Variants in SCCPDH observed in about 807,000 individuals in gnomAD.
The protein encoded by SCCPDH is saccharopine dehydrogenase (putative).
In SCCPDH, 34 loss-of-function variants were observed where a neutral mutation model predicts 51.5. That is an observed-to-expected ratio of 0.66 (90% CI 0.50 to 0.88). The LOEUF is 0.88. SCCPDH is among the 40% of genes least tolerant of loss of function. SCCPDH has a pLI of 0.00. For synonymous variants in SCCPDH, 187 were observed against 191.3 expected (o/e 0.98, Z 0.19); for missense variants, 464 against 527.1 (o/e 0.88, Z 1.17).
In SCCPDH at chr1:246,766,061, C is replaced by T; in HGVS notation, c.1106C>T (p.Ala369Val). The change falls in exon 11 of 12, where the codon GCT becomes GTT. Residue 369 changes from alanine (A) to valine (V), a missense_variant. Ala to Val is a moderately conservative substitution (Grantham distance 64, BLOSUM62 0). Transcript: ENST00000366510. ...KICTQVKGPEAGYVATPIAMV... is the reference protein window; with the variant it reads ...KICTQVKGPEVGYVATPIAMV... Reference sequence around the variant, plus strand: ...CCTGATCAACTGTTTTCTGCAGAGGCTGGCTATGTGGCTACCCCCATAGCT... The same window carrying T: ...CCTGATCAACTGTTTTCTGCAGAGGTTGGCTATGTGGCTACCCCCATAGCT... The T allele has an allele frequency of 6.2e-7, 1 of 1,605,648 alleles. No homozygotes were observed. The highest frequency in any genetic ancestry group is 8.5e-7 in the Non-Finnish European group (1 of 1,175,570).
intron 5 of SCCPDH, among the ~76,000 whole-genome samples, chr1:246,749,715 C>G (rs1668823255): frequency 6.6e-6 from 1 of 152,222 alleles, no homozygotes; most frequent in African/African-American, 2.4e-5. Flanking sequence ...GGCAGAGAAG[C>G]TCTGCTCTAG....
chr1:246,726,389 C>G (rs77292627), intron 1 of SCCPDH, among the ~76,000 whole-genome samples: 8,038 of 151,558 alleles, frequency 0.053, 393 homozygotes, highest in East Asian at 0.17. Context: ...GGCTATGCCA[C>G]CATGTCAGAT....
At chr1:246,745,935 C>T (rs948583788) in intron 5 of SCCPDH, among the ~76,000 whole-genome samples, 19 of 151,748 alleles carry the variant, frequency 1.3e-4, no homozygotes, top group Non-Finnish European at 2.1e-4. Flanking sequence ...GGTGAAACCC[C>T]GTCTCTACTA....
chr1:246,754,129 C>A lies in SCCPDH; in HGVS notation c.565-4097C>A, dbSNP rs147102987. ...GCTGGAGGCTCCTCGCATTCACACA[C>A]ACTTTCAACCCCCGCAGAGTATCCC... On this transcript the variant is annotated intron_variant, in intron 5 of 11. Transcript: ENST00000366510. 9.5e-4 allele frequency among the ~76,000 whole-genome samples: 145 copies of A among 152,198 alleles called. 2 individuals carry two copies. The highest frequency in any genetic ancestry group is 3.4e-3 in the African/African-American group (141 of 41,508).
At chr1:246,755,837 G>T (rs1336612597) in intron 5 of SCCPDH, 1 of 152,344 alleles carries the variant, frequency 6.6e-6, no homozygotes, top group Non-Finnish European at 1.5e-5. Context: ...AGGCATACTT[G>T]TCATTTAGAA....
chr1:246,752,797 A>G (rs1484636345), intron 5 of SCCPDH, among the ~76,000 whole-genome samples: 7 of 152,124 alleles, frequency 4.6e-5, no homozygotes, highest in Non-Finnish European at 7.4e-5. Flanking sequence ...TCTCTCTCTG[A>G]TAAGTTTGTT....
In SCCPDH at chr1:246,760,055, T is replaced by C. The variant is rs1236450202; in HGVS notation, c.912T>C (p.Ile304=). 1.2e-6 allele frequency: 2 copies of C among 1,612,934 alleles called. No homozygotes were observed. The highest frequency in any genetic ancestry group is 1.1e-5 in the South Asian group (1 of 90,584). ...LFFLFFVRFG[I]GRQLLIKFPW... ...TTTTGTTCTTTGTGAGGTTTGGAAT[T>C]GGAAGGCAACTTCTCATAAAAGTAA... The change falls in exon 8 of 12, where the codon ATT becomes ATC. Residue 304 remains isoleucine, a synonymous_variant. Coordinates refer to ENST00000366510, the MANE Select transcript of SCCPDH (RefSeq NM_016002.3).
At position 246,726,947 on chromosome 1, in the gene SCCPDH, A is replaced by G. The variant is rs1256268492; in HGVS notation, c.246A>G (p.Pro82=). ...TCATCATCTGTGATATTGCTAATCC[A>G]GCCTCGCTTGATGAAATGGCTAAAC... ...VGIIICDIAN[P]ASLDEMAKQA... The change falls in exon 2 of 12, where the codon CCA becomes CCG. Residue 82 remains proline, a synonymous_variant. Transcript: ENST00000366510. 3 of 1,614,232 alleles carry G rather than the reference A, an allele frequency of 1.9e-6. No homozygotes were observed. Among genetic ancestry groups the G allele is most frequent in the Non-Finnish European group, 8.5e-7 (1 of 1,180,026 alleles).
intron 3 of SCCPDH, among the ~76,000 whole-genome samples, chr1:246,738,847 C>T (rs544725380): frequency 2.0e-5 from 3 of 152,288 alleles, no homozygotes; most frequent in Non-Finnish European, 2.9e-5. Context: ...TGCGAGACTC[C>T]GTCTCAAAAC....
chr1:246,764,407 T>A lies in SCCPDH; in HGVS notation c.1102+50T>A, dbSNP rs747715111. On this transcript the variant is annotated intron_variant, in intron 10 of 11. Transcript: ENST00000366510. ...GCTTGGGAATTTTATACTCTTAAGC[T>A]ATAAAGTACAATGCCATTACAATAT... 4.9e-6 allele frequency: 5 copies of A among 1,012,874 alleles called. No homozygotes were observed. The East Asian group carries it at 1.2e-4, about 25-fold the overall frequency. 62.7% of individuals were successfully genotyped at this position (1,012,874 alleles called of 1,614,324 possible).
chr1:246,747,414 G>A (rs933353056), intron 5 of SCCPDH, among the ~76,000 whole-genome samples: 5 of 152,126 alleles, frequency 3.3e-5, no homozygotes, highest in Admixed American at 6.5e-5. Context: ...GGCTGGGCAC[G>A]GTGGCTCATG....
rs899129554 is a variant in SCCPDH, at chr1:246,724,629, G to A, written c.190+17G>A. On this transcript the variant is annotated intron_variant, in intron 1 of 11. Coordinates refer to ENST00000366510, the MANE Select transcript of SCCPDH (RefSeq NM_016002.3). ...TGAAGCTGGGTACAGCGGCGGGGCG[G>A]GACGGGGCTGCGCGGGCGGCTGGGC... 4 of 1,455,940 alleles carry A rather than the reference G, an allele frequency of 2.7e-6. No homozygotes were observed. Among genetic ancestry groups the A allele is most frequent in the Admixed American group, 6.1e-5 (2 of 33,006 alleles). 90.2% of individuals were successfully genotyped at this position (1,455,940 alleles called of 1,614,324 possible). A position where few individuals can be genotyped will look rare whatever the true frequency, so the allele number is the denominator to read the frequency against.
At chr1:246,738,519 A>C (rs557630641) in intron 3 of SCCPDH, among the ~76,000 whole-genome samples, 37 of 152,036 alleles carry the variant, frequency 2.4e-4, no homozygotes, top group Non-Finnish European at 4.6e-4. Flanking sequence ...CAAAAAAAAA[A>C]AACCCAGAGT....
chr1:246,724,582 C>T lies in SCCPDH; in HGVS notation c.160C>T (p.Arg54Trp). ...GGGCCGCTCCCGGGAGAAGCTGCAGCGGGTGCTGGAGAAGGCGGCCCTGAA... is the reference window on the plus strand; with the variant it reads ...GGGCCGCTCCCGGGAGAAGCTGCAGTGGGTGCTGGAGAAGGCGGCCCTGAA... ...VAGRSREKLQ[R>W]VLEKAALKLG... Residue 54 changes from arginine (R) to tryptophan (W), a missense_variant, in exon 1 of 12, where the codon CGG becomes TGG. By Grantham distance (101) the Arg-to-Trp change is moderately radical (BLOSUM62 -3). Coordinates refer to ENST00000366510, the MANE Select transcript of SCCPDH (RefSeq NM_016002.3). 1 of 1,521,018 alleles carries T rather than the reference C, an allele frequency of 6.6e-7. No individual in the cohort carries two copies. Among genetic ancestry groups the T allele is most frequent in the Non-Finnish European group, 8.8e-7 (1 of 1,137,204 alleles). The allele number at this position is 1,521,018 out of a possible 1,614,324, so 94.2% of individuals were successfully genotyped here.
At chr1:246,755,266 TTTTG>T (rs1038077615) in intron 5 of SCCPDH, among the ~76,000 whole-genome samples, 3 of 152,198 alleles carry the variant, frequency 2.0e-5, no homozygotes, top group Non-Finnish European at 4.4e-5. Flanking sequence ...AAACAGGTTT[TTTTG>T]TTTGTTTTGT....
At chr1:246,743,904 G>A (rs7513496) in intron 4 of SCCPDH, among the ~76,000 whole-genome samples, 172 bp from the exon 5 acceptor site, 4 of 152,162 alleles carry the variant, frequency 2.6e-5, no homozygotes, top group South Asian at 2.1e-4. Flanking sequence ...TAGCTACTTC[G>A]TAAGTCTGTG....
At chr1:246,759,829 C>A in intron 7 of SCCPDH, 128 bp from the exon 8 acceptor site, 2 of 987,020 alleles carry the variant, frequency 2.0e-6, no homozygotes, top group South Asian at 2.0e-5. Flanking sequence ...GAACATAATG[C>A]ATTTGTAAAG....
chr1:246,724,660 A>G (rs1001716465), intron 1 of SCCPDH, 48 bp downstream of exon 1: 1 of 1,400,150 alleles, frequency 7.1e-7, no homozygotes, highest in Non-Finnish European at 9.2e-7. Flanking sequence ...TGGGCCGGGG[A>G]CCCCGCATCG....
intron 3 of SCCPDH, among the ~76,000 whole-genome samples, chr1:246,736,531 G>C (rs527478153): frequency 1.6e-3 from 236 of 151,966 alleles, no homozygotes; most frequent in East Asian, 2.9e-3. Flanking sequence ...GAAACCCCAT[G>C]TCTACTAAAA....
Sources: allele counts gnomAD v4.1 joint callset (sites outside exome capture counted in the v4.1 genomes callset), GRCh38; gene constraint gnomAD v4.1.1; transcripts MANE v1.5; gene names NCBI Gene and HGNC (gene_info 2026-07-23, HGNC 2026-07-21).